Variants in CPED1 observed in about 807,000 individuals in gnomAD.
The protein encoded by CPED1 is cadherin like and PC-esterase domain containing 1, also known as cadherin-like and PC-esterase domain-containing protein 1.
A neutral mutation model predicts 128.2 loss-of-function variants in CPED1; 114 were observed. The observed-to-expected ratio is 0.89, with a 90% CI of 0.76 to 1.04. The LOEUF (loss-of-function observed/expected upper bound fraction) is 1.04. Among genes scored for constraint, CPED1 ranks in the 50% least tolerant of loss-of-function variants. CPED1 has a pLI of 0.00. For synonymous variants in CPED1, 462 were observed against 426.7 expected, an observed-to-expected ratio of 1.08 and a Z score of -1.02; for missense variants, 1,211 against 1,207.1, an observed-to-expected ratio of 1.00 and a Z score of -0.05.
rs1362172609 is a variant in CPED1, at chr7:121,266,352, G to T, written c.2436G>T (p.Gly812=). 6.2e-7 allele frequency: 1 copy of T among 1,613,148 alleles called. No homozygotes were observed. The highest frequency in any genetic ancestry group is 8.5e-7 in the Non-Finnish European group (1 of 1,179,398). ...GTKFYHNVNG[G]KTLISYSYYP... is the part of the protein sequence containing the mutation. ...AATTCTATCACAACGTCAATGGTGG[G>T]AAGACTTTGATCAGTTATTCCTACT... Residue 812 remains glycine, a synonymous_variant, in exon 19 of 23, where the codon GGG becomes GGT. Coordinates refer to ENST00000310396, the MANE Select transcript of CPED1 (RefSeq NM_024913.5).
At chr7:121,224,951 T>A (rs112881853) in intron 16 of CPED1, among the ~76,000 whole-genome samples, 1 of 152,150 alleles carries the variant, frequency 6.6e-6, no homozygotes, top group East Asian at 1.9e-4. Flanking sequence ...TGTCTTTTAA[T>A]TGGGGCATTT....
chr7:121,055,528 CACTA>C (rs1156594321), intron 4 of CPED1, among the ~76,000 whole-genome samples: 6 of 151,280 alleles, frequency 4.0e-5, no homozygotes, highest in African/African-American at 1.5e-4. Context: ...ATTACACAAA[CACTA>C]ACACAAATTA....
Position 121,133,886 on chromosome 7 carries a change from TA to T in CPED1, c.1647del (p.Ala550LeufsTer36). 1 of 1,541,134 alleles carries T rather than the reference TA, an allele frequency of 6.5e-7. No individual in the cohort carries two copies. The highest frequency in any genetic ancestry group is 8.9e-7 in the Non-Finnish European group (1 of 1,122,922). The part of the protein sequence containing the change: ...PQVPFDAIEN[K>X]KAAVPQIKNE... ...AAGTGCCATTTGATGCAATAGAAAA[TA>T]AAAAAGGTAAAAATATAGATATTCC... On this transcript the variant is annotated frameshift_variant, in exon 13 of 23. Coordinates refer to ENST00000310396, the MANE Select transcript of CPED1 (RefSeq NM_024913.5). LOFTEE classifies it high-confidence loss of function.
intron 3 of CPED1, among the ~76,000 whole-genome samples, chr7:121,023,595 A>G (rs1792496566): frequency 6.6e-6 from 1 of 152,156 alleles, no homozygotes; most frequent in Admixed American, 6.6e-5. Flanking sequence ...CATTTTCTTT[A>G]GTCTTTGCTT....
intron 3 of CPED1, among the ~76,000 whole-genome samples, chr7:121,024,536 A>G (rs1792521949): frequency 6.6e-6 from 1 of 152,162 alleles, no homozygotes; most frequent in South Asian, 2.1e-4. Context: ...TGGGTATTTA[A>G]ATTGTCTAAA....
In CPED1 at chr7:121,184,862, C is replaced by G. The variant is rs142032545; in HGVS notation, c.2055+42721C>G. Among the ~76,000 whole-genome samples, 831 of 152,120 alleles carry G rather than the reference C, an allele frequency of 5.5e-3. 6 individuals carry two copies. The highest frequency in any genetic ancestry group is 0.018 in the African/African-American group (766 of 41,518). On this transcript the variant is annotated intron_variant, in intron 16 of 22. Transcript: ENST00000310396. ...ATTTGATCAAACCTAGAGAAGGGAA[C>G]AATATTCAATATTGGATTGACTATA... is the stretch of plus-strand genomic sequence containing the variant.
chr7:121,141,520 A>G (rs1795903956), intron 15 of CPED1, among the ~76,000 whole-genome samples: 1 of 151,996 alleles, frequency 6.6e-6, no homozygotes, highest in Admixed American at 6.6e-5. Flanking sequence ...TGCTGTAGGG[A>G]AGGAAATGTA....
At chr7:121,096,162 C>A (rs1794693757) in intron 5 of CPED1, among the ~76,000 whole-genome samples, 1 of 151,932 alleles carries the variant, frequency 6.6e-6, no homozygotes, top group African/African-American at 2.4e-5. Flanking sequence ...TGAATATTTC[C>A]TTTATTATGA....
chr7:121,229,235 T>C (rs982484086), intron 16 of CPED1, among the ~76,000 whole-genome samples: 2 of 151,986 alleles, frequency 1.3e-5, no homozygotes, highest in Non-Finnish European at 2.9e-5. Flanking sequence ...AATGTCTCCT[T>C]CCCAATTTGT....
chr7:121,293,864 G>C (rs1340402378), intron 22 of CPED1, among the ~76,000 whole-genome samples: 9 of 151,976 alleles, frequency 5.9e-5, no homozygotes, highest in Admixed American at 4.6e-4. Flanking sequence ...CCAGTGAGAT[G>C]GACCGGGTAC....
intron 7 of CPED1, among the ~76,000 whole-genome samples, chr7:121,108,196 G>C (rs1033629981): frequency 6.6e-6 from 1 of 152,018 alleles, no homozygotes; most frequent in Non-Finnish European, 1.5e-5. Flanking sequence ...AAAGCATGGA[G>C]CATTTTTCCC....
At chr7:120,999,318 T>C (rs947547093) in intron 2 of CPED1, among the ~76,000 whole-genome samples, 44 of 152,192 alleles carry the variant, frequency 2.9e-4, no homozygotes, top group Non-Finnish European at 7.4e-5. Flanking sequence ...TTTGATTAAT[T>C]AACTATCATT....
At chr7:121,176,191 T>TG (rs1245518634) in intron 16 of CPED1, among the ~76,000 whole-genome samples, 101 of 76,122 alleles carry the variant, frequency 1.3e-3, no homozygotes, top group African/African-American at 3.4e-3. Flanking sequence ...TCCTCCCCGC[T>TG]GGAAAAAAAA....
intron 18 of CPED1, among the ~76,000 whole-genome samples, chr7:121,259,036 G>T (rs1353138690): frequency 6.6e-6 from 1 of 152,024 alleles, no homozygotes; most frequent in Non-Finnish European, 1.5e-5. Context: ...ATAGTGCTCT[G>T]CTTTCTTTAG....
At chr7:121,234,663 C>T (rs1042093154) in intron 16 of CPED1, among the ~76,000 whole-genome samples, 5 of 46,526 alleles carry the variant, frequency 1.1e-4, no homozygotes, top group Admixed American at 6.1e-4. Context: ...CATCCACTGC[C>T]AGTCCAGGAA....
At chr7:121,220,175 A>T (rs966355718) in intron 16 of CPED1, among the ~76,000 whole-genome samples, 3 of 152,178 alleles carry the variant, frequency 2.0e-5, no homozygotes, top group African/African-American at 7.2e-5. Context: ...GAAGAAGCTT[A>T]ATTTGTTGTC....
chr7:121,129,345 A>G lies in CPED1; in HGVS notation c.1408-780A>G, dbSNP rs950178917. ...TATATATATATATATACGTATATAT[A>G]TATATACATACATACACTACTTGTA... On this transcript the variant is annotated intron_variant, in intron 11 of 22. Coordinates refer to ENST00000310396, the MANE Select transcript of CPED1 (RefSeq NM_024913.5). 1.3e-4 allele frequency among the ~76,000 whole-genome samples: 15 copies of G among 111,544 alleles called. 1 individual carries two copies. Among genetic ancestry groups the G allele is most frequent in the African/African-American group, 4.5e-4 (15 of 33,102 alleles). The allele number at this position is 111,544 out of a possible 152,430, so 73.2% of individuals were successfully genotyped here.
intron 16 of CPED1, among the ~76,000 whole-genome samples, chr7:121,142,619 C>G (rs770794704): frequency 5.3e-5 from 8 of 151,958 alleles, no homozygotes; most frequent in Non-Finnish European, 1.0e-4. Flanking sequence ...TCATTCACTT[C>G]TCATACAGTA....
intron 22 of CPED1, among the ~76,000 whole-genome samples, chr7:121,275,631 G>A (rs1037521309): frequency 7.9e-5 from 12 of 152,142 alleles, no homozygotes; most frequent in African/African-American, 2.4e-4. Flanking sequence ...TTTGGCAAAT[G>A]TAGCTACAGC....
Sources: gnomAD v4.1 joint callset for allele counts (sites outside exome capture counted in the v4.1 genomes callset) on GRCh38, gnomAD v4.1.1 for gene constraint, MANE v1.5 for transcripts, NCBI Gene and HGNC (gene_info 2026-07-23, HGNC 2026-07-21) for gene names.